The following PRKAG2 variants were observed in gnomAD, a reference collection of about 807,000 sequenced individuals.
The protein encoded by PRKAG2 is protein kinase AMP-activated non-catalytic subunit gamma 2.
A neutral mutation model predicts 69.6 loss-of-function variants in PRKAG2; 26 were observed. The ratio of observed to expected loss-of-function variants is 0.37; its 90% confidence interval spans 0.27 to 0.52. PRKAG2 has a LOEUF of 0.52. PRKAG2 is among the 20% of genes least tolerant of loss of function. PRKAG2 has a pLI of 0.90. For missense variants in PRKAG2, 557 were observed against 740.0 expected, an observed-to-expected ratio of 0.75 and a Z score of 2.87; for synonymous variants, 293 against 285.0, an observed-to-expected ratio of 1.03 and a Z score of -0.28.
At chr7:151,855,696 A>G (rs1214205463) in intron 1 of PRKAG2, among the ~76,000 whole-genome samples, 1 of 146,008 alleles carries the variant, frequency 6.8e-6, no homozygotes, top group African/African-American at 2.5e-5. Flanking sequence ...GGCTGCAGGC[A>G]GAGAGGCATG....
intron 5 of PRKAG2, among the ~76,000 whole-genome samples, chr7:151,625,141 C>T (rs1647250314): frequency 1.3e-5 from 2 of 152,172 alleles, no homozygotes; most frequent in African/African-American, 4.8e-5. Flanking sequence ...CTAACAGCAC[C>T]TATCAATTGT....
chr7:151,778,659 T>C (rs972246259), intron 3 of PRKAG2, among the ~76,000 whole-genome samples: 12 of 152,254 alleles, frequency 7.9e-5, no homozygotes, highest in Admixed American at 7.8e-4. Context: ...CTCTTTCTTC[T>C]GCTGTTACCA....
intron 3 of PRKAG2, among the ~76,000 whole-genome samples, chr7:151,709,331 G>A (rs1839162597): frequency 6.6e-6 from 1 of 151,930 alleles, no homozygotes; most frequent in South Asian, 2.1e-4. Flanking sequence ...GTGACATTGA[G>A]TGACGTGTGA....
intron 1 of PRKAG2, among the ~76,000 whole-genome samples, chr7:151,812,381 A>G (rs2078464848): frequency 6.6e-6 from 1 of 152,188 alleles, no homozygotes; most frequent in African/African-American, 2.4e-5. Context: ...AAAGGAAGAA[A>G]AAGATCTATA....
rs756778641 is a variant in PRKAG2 at position 151,565,898 on chromosome 7, T to C, written c.1234-13A>G. The C allele has an allele frequency of 1.2e-6, 2 of 1,611,132 alleles. No individual in the cohort carries two copies. The highest frequency in any genetic ancestry group is 1.7e-6 in the Non-Finnish European group (2 of 1,177,242). On this transcript the variant is annotated splice_polypyrimidine_tract_variant and intron_variant, in intron 11 of 15. Coordinates refer to ENST00000287878, the MANE Select transcript of PRKAG2 (RefSeq NM_016203.4). ...GCATATCAGACATCTAAACGGAAGATAAACGCAAACGTTCTAGACCCAGAA... is the reference window on the plus strand; with the variant it reads ...GCATATCAGACATCTAAACGGAAGACAAACGCAAACGTTCTAGACCCAGAA...
chr7:151,870,156 G>GATAGATAGATAGATAGA (rs1554621410), intron 1 of PRKAG2, among the ~76,000 whole-genome samples: 1 of 120,108 alleles, frequency 8.3e-6, no homozygotes, highest in Non-Finnish European at 1.8e-5. Flanking sequence ...TAGATAGATA[G>GATAGATAGATAGATAGA]GCAGGCAGGC....
At chr7:151,676,617 T>A (rs1323319900) in intron 3 of PRKAG2, among the ~76,000 whole-genome samples, 1 of 152,110 alleles carries the variant, frequency 6.6e-6, no homozygotes, top group African/African-American at 2.4e-5. Context: ...AAGTGGCGAG[T>A]GTACACCTAA....
intron 2 of PRKAG2, among the ~76,000 whole-genome samples, chr7:151,785,809 G>A (rs890837117): frequency 5.3e-5 from 8 of 152,020 alleles, no homozygotes; most frequent in Non-Finnish European, 1.0e-4. Context: ...GCCCTGCCAC[G>A]GCCACCTCGA....
intron 5 of PRKAG2, among the ~76,000 whole-genome samples, chr7:151,611,902 G>A (rs1818963659): frequency 6.6e-6 from 1 of 152,122 alleles, no homozygotes; most frequent in South Asian, 2.1e-4. Flanking sequence ...AAAATTAGCT[G>A]GACGTGGTGG....
intron 3 of PRKAG2, among the ~76,000 whole-genome samples, chr7:151,709,640 G>C (rs376096904): frequency 2.6e-5 from 4 of 152,296 alleles, no homozygotes; most frequent in Middle Eastern, 3.4e-3. Context: ...GTGACTGTCA[G>C]TGACATGATA....
intron 5 of PRKAG2, among the ~76,000 whole-genome samples, chr7:151,630,820 G>A (rs1264006479): frequency 1.3e-5 from 2 of 152,210 alleles, no homozygotes; most frequent in Non-Finnish European, 2.9e-5. Context: ...AGATGGGTTC[G>A]AATGAAGACC....
rs116061641 is a variant in PRKAG2, at chr7:151,823,472, T to C, written c.115-36931A>G. Reference sequence around the variant, plus strand: ...TTGGCCCCATTTGTGAGTGGTCACATGGGCCAGGCACCGTGGTGGGTGCAG... The same window carrying C: ...TTGGCCCCATTTGTGAGTGGTCACACGGGCCAGGCACCGTGGTGGGTGCAG... On this transcript the variant is annotated intron_variant, in intron 1 of 15. Coordinates refer to ENST00000287878, the MANE Select transcript of PRKAG2 (RefSeq NM_016203.4). Among the ~76,000 whole-genome samples the C allele has an allele frequency of 7.0e-3, 1,050 of 149,522 alleles. 17 individuals carry two copies. The highest frequency in any genetic ancestry group is 0.024 in the African/African-American group (970 of 40,954).
chr7:151,605,459 G>T (rs1417000692), intron 5 of PRKAG2, among the ~76,000 whole-genome samples: 1 of 151,784 alleles, frequency 6.6e-6, no homozygotes, highest in African/African-American at 2.4e-5. Flanking sequence ...TTATGGCTGG[G>T]TGCAGTGGCT....
At chr7:151,629,007 C>A (rs112854950) in intron 5 of PRKAG2, among the ~76,000 whole-genome samples, 1 of 152,152 alleles carries the variant, frequency 6.6e-6, no homozygotes, top group African/African-American at 2.4e-5. Flanking sequence ...GTGCCACCCC[C>A]TAAGGCACAG....
At chr7:151,671,631 T>A (rs1832059393) in intron 4 of PRKAG2, among the ~76,000 whole-genome samples, 1 of 152,236 alleles carries the variant, frequency 6.6e-6, no homozygotes, top group Non-Finnish European at 1.5e-5. Flanking sequence ...GAGGTTGAGG[T>A]TCTAAGCCCT....
intron 4 of PRKAG2, among the ~76,000 whole-genome samples, chr7:151,654,344 C>T (rs1231162790): frequency 6.6e-6 from 1 of 152,110 alleles, no homozygotes; most frequent in African/African-American, 2.4e-5. Context: ...TTGCTAGCTT[C>T]CCCTCCTTAA....
At chr7:151,789,318 TCTTTCATTTCCAC>T (rs1563677849) in intron 1 of PRKAG2, among the ~76,000 whole-genome samples, 2 of 152,210 alleles carry the variant, frequency 1.3e-5, no homozygotes, top group Non-Finnish European at 2.9e-5. Flanking sequence ...TTGCGTGTCT[TCTTTCATTTCCAC>T]CTTTCATTTC....
intron 1 of PRKAG2, among the ~76,000 whole-genome samples, chr7:151,841,940 AGGTAGTGAT>A (rs917501799): frequency 7.3e-6 from 1 of 137,350 alleles, no homozygotes; most frequent in African/African-American, 2.8e-5. Context: ...TAGTGTTGGT[AGGTAGTGAT>A]GGTAGTGATG....
At chr7:151,680,383 A>G (rs1833686648) in intron 3 of PRKAG2, among the ~76,000 whole-genome samples, 1 of 152,240 alleles carries the variant, frequency 6.6e-6, no homozygotes, top group Non-Finnish European at 1.5e-5. Context: ...GGAACATGAC[A>G]GGGATCCTCG....
Sources: gnomAD v4.1 joint callset for allele counts (sites outside exome capture counted in the v4.1 genomes callset) on GRCh38, gnomAD v4.1.1 for gene constraint, MANE v1.5 for transcripts, NCBI Gene and HGNC (gene_info 2026-07-23, HGNC 2026-07-21) for gene names.